PTPRF: variants seen among roughly 807,000 people sequenced by gnomAD.
The protein encoded by PTPRF is receptor-type tyrosine-protein phosphatase F.
PTPRF carries 59 observed loss-of-function variants against 201.8 expected under a neutral mutation model. The ratio of observed to expected loss-of-function variants is 0.29; its 90% CI spans 0.24 to 0.36. The LOEUF is 0.36. PTPRF is among the 10% of genes least tolerant of loss of function. The pLI is 1.00. For synonymous variants in PTPRF, 1,088 were observed against 1,089.7 expected, an observed-to-expected ratio of 1.00 and a Z score of 0.03; for missense variants, 2,132 against 2,690.5, an observed-to-expected ratio of 0.79 and a Z score of 4.59.
At chr1:43,599,865 C>T (rs1197446763) in intron 13 of PTPRF, among the ~76,000 whole-genome samples, 4 of 152,160 alleles carry the variant, frequency 2.6e-5, no homozygotes, top group Non-Finnish European at 5.9e-5. Context: ...AAAGACCCTG[C>T]TGGAGAGTCA....
Position 43,591,471 on chromosome 1 carries a change from C to T in PTPRF, c.1449C>T (p.Thr483=). ...TGGGCAGCCTGCTGCCTGGCATCAC[C>T]TACAGCCTGCGCGTGCTTGCCTTCA... is the stretch of plus-strand genomic sequence containing the variant. ...TTVGSLLPGI[T]YSLRVLAFTA... Residue 483 remains threonine (T), a synonymous_variant, in exon 9 of 34, where the codon ACC becomes ACT. Coordinates refer to ENST00000359947, the MANE Select transcript of PTPRF (RefSeq NM_002840.5). 6.3e-7 allele frequency: 1 copy of T among 1,597,938 alleles called. No homozygotes were observed. Among genetic ancestry groups the T allele is most frequent in the Non-Finnish European group, 8.5e-7 (1 of 1,174,804 alleles).
chr1:43,604,843 C>A, intron 16 of PTPRF, 60 bp from the exon 17 acceptor site: 1 of 1,438,262 alleles, frequency 7.0e-7, no homozygotes, highest in Non-Finnish European at 9.7e-7. Flanking sequence ...TTCCACCCTT[C>A]CAGCCCATTC....
chr1:43,613,296 AC>A (rs1225980356), intron 22 of PTPRF: 1 of 347,936 alleles, frequency 2.9e-6, no homozygotes, highest in East Asian at 6.9e-5. Context: ...GTCTGCTGCC[AC>A]CGACCTGGGC....
upstream of PTPRF, among the ~76,000 whole-genome samples, chr1:43,524,451 GGAGCTC>G (rs1319697431): frequency 1.3e-5 from 2 of 152,266 alleles, no homozygotes; most frequent in Admixed American, 1.3e-4. Flanking sequence ...TTAGAAGCCA[GGAGCTC>G]GAGACCAGCC....
chr1:43,590,270 C>G (rs2154009688), intron 8 of PTPRF, among the ~76,000 whole-genome samples: 1 of 152,338 alleles, frequency 6.6e-6, no homozygotes, highest in East Asian at 1.9e-4. Context: ...ACCCTGATTC[C>G]TGCTGTCCTT....
intron 11 of PTPRF, among the ~76,000 whole-genome samples, chr1:43,594,382 G>C (rs1651722778): frequency 7.6e-6 from 1 of 131,792 alleles, no homozygotes; most frequent in South Asian, 2.8e-4. Flanking sequence ...AGGCCTTCCA[G>C]CTGCAAGGCA....
At position 43,546,546 on chromosome 1, in the gene PTPRF, T is replaced by C. The variant is rs1238932917; in HGVS notation, c.91+1380T>C. Among the ~76,000 whole-genome samples the C allele has an allele frequency of 6.6e-6, 1 of 152,056 alleles. No homozygotes were observed. Among genetic ancestry groups the C allele is most frequent in the Non-Finnish European group, 1.5e-5 (1 of 67,976 alleles). On this transcript the variant is annotated intron_variant, in intron 3 of 33. Transcript: ENST00000359947. The surrounding 1 kb of genome is among the most constrained non-coding windows in gnomAD (Gnocchi z 4.2). Reference sequence around the variant, plus strand: ...ACGTGTGGTCAGTAGCTCTTGGACATTGAAGTACTGTCCTTGCCCTCCCCG... The same window carrying C: ...ACGTGTGGTCAGTAGCTCTTGGACACTGAAGTACTGTCCTTGCCCTCCCCG...
At position 43,545,093 on chromosome 1, in the gene PTPRF, C is replaced by G. The variant is rs1160229313; in HGVS notation, c.18C>G (p.Ala6=). Reference sequence around the variant, plus strand: ...AGCCCTGGATGGCCCCTGAGCCAGCCCCAGGGAGGACGATGGTGCCCCTTG... The same window carrying G: ...AGCCCTGGATGGCCCCTGAGCCAGCGCCAGGGAGGACGATGGTGCCCCTTG... MAPEP[A]PGRTMVPLVP... Residue 6 remains alanine (A), a synonymous_variant, in exon 3 of 34, where the codon GCC becomes GCG. Coordinates refer to ENST00000359947, the MANE Select transcript of PTPRF (RefSeq NM_002840.5). 3 of 1,582,866 alleles carry G rather than the reference C, an allele frequency of 1.9e-6. No homozygotes were observed. The highest frequency in any genetic ancestry group is 2.6e-6 in the Non-Finnish European group (3 of 1,164,208).
intron 5 of PTPRF, among the ~76,000 whole-genome samples, chr1:43,566,871 C>T (rs573987527): frequency 8.5e-5 from 13 of 152,274 alleles, no homozygotes; most frequent in African/African-American, 2.2e-4. Flanking sequence ...TAGGCTCTGG[C>T]GGCAGTGCCT....
At chr1:43,545,762 A>G (rs1218537540) in intron 3 of PTPRF, among the ~76,000 whole-genome samples, 1 of 151,972 alleles carries the variant, frequency 6.6e-6, no homozygotes, top group Non-Finnish European at 1.5e-5. Context: ...TGGGGGGAAG[A>G]TTGTGTTTGG....
At chr1:43,564,177 G>GC (rs1016174855) in intron 5 of PTPRF, among the ~76,000 whole-genome samples, 1 of 152,312 alleles carries the variant, frequency 6.6e-6, no homozygotes, top group Non-Finnish European at 1.5e-5. Context: ...GGCTCCCCAG[G>GC]CCCCCCTTAC....
intron 5 of PTPRF, among the ~76,000 whole-genome samples, chr1:43,569,127 A>C (rs377217644): frequency 5.9e-5 from 9 of 152,130 alleles, no homozygotes; most frequent in Non-Finnish European, 1.2e-4. Context: ...TGAAGGGAAC[A>C]CTGTGTGTGC....
At chr1:43,543,903 G>A (rs547794971) in intron 2 of PTPRF, among the ~76,000 whole-genome samples, 53 of 152,336 alleles carry the variant, frequency 3.5e-4, no homozygotes, top group African/African-American at 1.2e-3. Flanking sequence ...CCCAGAGCAT[G>A]GTGTGATCAG....
intron 11 of PTPRF, among the ~76,000 whole-genome samples, chr1:43,596,793 T>G (rs1014499921): frequency 2.0e-5 from 3 of 152,138 alleles, no homozygotes; most frequent in Admixed American, 2.0e-4. Flanking sequence ...GCCACGTGCT[T>G]GTGTGTATGT....
chr1:43,609,246 C>G, intron 21 of PTPRF, 137 bp from the exon 22 acceptor site: 1 of 680,610 alleles, frequency 1.5e-6, no homozygotes, highest in Non-Finnish European at 2.5e-6. Context: ...CCTCCGCGCT[C>G]AGAGATCCTG....
At chr1:43,599,750 G>A (rs916388346) in intron 13 of PTPRF, among the ~76,000 whole-genome samples, 5 of 152,260 alleles carry the variant, frequency 3.3e-5, no homozygotes, top group Admixed American at 1.3e-4. Flanking sequence ...TTATGAGAGT[G>A]GTATGGAATT....
chr1:43,543,186 C>T (rs936162683), intron 2 of PTPRF, among the ~76,000 whole-genome samples: 1 of 152,198 alleles, frequency 6.6e-6, no homozygotes, highest in Admixed American at 6.5e-5. Context: ...TCCACAGGCC[C>T]AGGGAGGAAG....
chr1:43,566,572 C>T (rs77520658), intron 5 of PTPRF, among the ~76,000 whole-genome samples: 1 of 152,172 alleles, frequency 6.6e-6, no homozygotes, highest in East Asian at 1.9e-4. Context: ...GCTGATAGAT[C>T]AGTTTACACC....
upstream of PTPRF, among the ~76,000 whole-genome samples, chr1:43,529,626 C>T (rs189375912): frequency 1.3e-3 from 195 of 145,266 alleles, 1 homozygote; most frequent in African/African-American, 4.7e-3. Context: ...GCCTAGCAAG[C>T]GGCGGGGGGA....
Sources: allele counts gnomAD v4.1 joint callset (sites outside exome capture counted in the v4.1 genomes callset), GRCh38; gene constraint gnomAD v4.1.1; non-coding constraint Gnocchi (gnomAD v3.1); transcripts MANE v1.5; gene names NCBI Gene and HGNC (gene_info 2026-07-23, HGNC 2026-07-21).